The following TBC1D31 variants were observed in gnomAD, a reference collection of about 807,000 sequenced individuals.
TBC1D31 encodes the protein WD repeat domain 67.
Under a neutral mutation model 132.9 loss-of-function variants are expected in TBC1D31, and 99 were observed. The ratio of observed to expected loss-of-function variants is 0.74; its 90% CI spans 0.63 to 0.88. The LOEUF is 0.88. Among genes scored for constraint, TBC1D31 ranks in the 40% least tolerant of loss-of-function variants. The probability of loss-of-function intolerance (pLI) is 0.00; values close to 1 mark genes in which losing one functional copy is unlikely to be tolerated. For synonymous variants in TBC1D31, 385 were observed against 419.4 expected, an observed-to-expected ratio of 0.92 and a Z score of 1.00; for missense variants, 1,134 against 1,256.6, an observed-to-expected ratio of 0.90 and a Z score of 1.48.
chr8:123,093,469 T>C (rs958865177), intron 4 of TBC1D31, 122 bp from the exon 5 acceptor site: 5 of 572,516 alleles, frequency 8.7e-6, no homozygotes, highest in Non-Finnish European at 1.1e-5. Context: ...ATTAGAAATG[T>C]ATTTTCCCCA....
chr8:123,115,508 T>C (rs1201878634), intron 10 of TBC1D31, among the ~76,000 whole-genome samples: 1 of 152,012 alleles, frequency 6.6e-6, no homozygotes, highest in Non-Finnish European at 1.5e-5. Flanking sequence ...CTATTGCTGC[T>C]ATAACAAATT....
chr8:123,114,426 T>C (rs1424169137), intron 10 of TBC1D31, among the ~76,000 whole-genome samples: 1 of 152,142 alleles, frequency 6.6e-6, no homozygotes, highest in Non-Finnish European at 1.5e-5. Flanking sequence ...GTTCAGGTGA[T>C]TGTCCTGCTT....
intron 4 of TBC1D31, among the ~76,000 whole-genome samples, chr8:123,084,569 C>T (rs568378297): frequency 5.3e-5 from 8 of 152,238 alleles, no homozygotes; most frequent in African/African-American, 9.6e-5. Flanking sequence ...TGTCCTAAGG[C>T]GAAAGTTATT....
chr8:123,078,066 T>C (rs1350597548), intron 2 of TBC1D31, among the ~76,000 whole-genome samples: 2 of 150,826 alleles, frequency 1.3e-5, no homozygotes, highest in African/African-American at 2.4e-5. Context: ...AAAAAAAAAG[T>C]TGGTTTTCAC....
chr8:123,073,029 T>G (rs2130557257), intron 1 of TBC1D31, among the ~76,000 whole-genome samples, 183 bp downstream of exon 1: 1 of 152,132 alleles, frequency 6.6e-6, no homozygotes, highest in Non-Finnish European at 1.5e-5. Flanking sequence ...CCCTTCTGAG[T>G]TCTGGGAGCG....
chr8:123,105,559 TAAAGAA>T, intron 8 of TBC1D31, 95 bp downstream of exon 8: 1 of 1,050,454 alleles, frequency 9.5e-7, no homozygotes, highest in Non-Finnish European at 1.3e-6. Context: ...TCTTGGGAAT[TAAAGAA>T]AGAGAATAAA....
chr8:123,154,536 A>C (rs1822938422), downstream of TBC1D31, among the ~76,000 whole-genome samples: 1 of 152,194 alleles, frequency 6.6e-6, no homozygotes, highest in Admixed American at 6.5e-5. Context: ...GCTGGTAAAA[A>C]TGCACAGGGA....
At chr8:123,097,084 C>T (rs6999597) in intron 5 of TBC1D31, among the ~76,000 whole-genome samples, 198 bp from the exon 6 acceptor site, 2,311 of 152,174 alleles carry the variant, frequency 0.015, 59 homozygotes, top group African/African-American at 0.053. Context: ...TGAATTAATA[C>T]AAATTAAATA....
chr8:123,134,167 A>G lies in TBC1D31; in HGVS notation c.2460A>G (p.Arg820=), dbSNP rs1197143862. ...CCACAGCCAGAGACCTAGAAATGAG[A>G]CAGCTGGAACTCGAATCACAAAAGA... ...IAATARDLEM[R]QLELESQKRL... The change falls in exon 17 of 22, where the codon AGA becomes AGG. Residue 820 remains arginine, a synonymous_variant. Transcript: ENST00000287380. 1.2e-6 allele frequency: 2 copies of G among 1,614,076 alleles called. No individual in the cohort carries two copies. Among genetic ancestry groups the G allele is most frequent in the East Asian group, 4.5e-5 (2 of 44,886 alleles).
At chr8:123,115,210 C>G (rs550915117) in intron 10 of TBC1D31, among the ~76,000 whole-genome samples, 1 of 152,180 alleles carries the variant, frequency 6.6e-6, no homozygotes, top group Non-Finnish European at 1.5e-5. Flanking sequence ...TGGATGTTAT[C>G]AGTCTTTATT....
intron 4 of TBC1D31, among the ~76,000 whole-genome samples, chr8:123,092,665 T>C (rs1473286925): frequency 1.3e-5 from 2 of 152,080 alleles, no homozygotes; most frequent in African/African-American, 4.8e-5. Flanking sequence ...TGCTTTCTTT[T>C]TGAAGACAGA....
At chr8:123,087,579 A>T (rs1250511106) in intron 4 of TBC1D31, among the ~76,000 whole-genome samples, 2 of 152,222 alleles carry the variant, frequency 1.3e-5, no homozygotes, top group African/African-American at 2.4e-5. Context: ...TTACATTTTG[A>T]ATTTTAAGTT....
chr8:123,113,494 T>A (rs929102535), intron 10 of TBC1D31, among the ~76,000 whole-genome samples: 3 of 152,160 alleles, frequency 2.0e-5, no homozygotes, highest in Non-Finnish European at 2.9e-5. Flanking sequence ...ATCAGAGAAA[T>A]AATTTTGATG....
intron 7 of TBC1D31, among the ~76,000 whole-genome samples, chr8:123,101,862 C>T (rs1318939629): frequency 6.6e-6 from 1 of 152,088 alleles, no homozygotes; most frequent in African/African-American, 2.4e-5. Context: ...CTTGCCCTGC[C>T]CATCCTTCCA....
At position 123,101,185 on chromosome 8, in the gene TBC1D31, C is replaced by T. The variant is rs1049757270; in HGVS notation, c.1032+178C>T. 1.8e-5 allele frequency: 9 copies of T among 512,164 alleles called. No homozygotes were observed. In the East Asian group the frequency reaches 3.1e-4, roughly 18 times the overall value. 31.7% of individuals were successfully genotyped at this position (512,164 alleles called of 1,614,324 possible). A position where few individuals can be genotyped will look rare whatever the true frequency, so the allele number is the denominator to read the frequency against. On this transcript the variant is annotated intron_variant, in intron 7 of 21. Transcript: ENST00000287380. ...CTCTGGCCTTGATTTCTCACGTATG[C>T]TCCATTCTTAAATTGCTGCCTTCCT...
At chr8:123,157,258 C>T in the TBC1D31 span, among the ~76,000 whole-genome samples, 1 of 152,194 alleles carries the variant, frequency 6.6e-6, no homozygotes, top group Non-Finnish European at 1.5e-5. Flanking sequence ...AACTCACGAC[C>T]TTCAGATTAT....
intron 4 of TBC1D31, among the ~76,000 whole-genome samples, chr8:123,084,953 C>G (rs1815570038): frequency 6.6e-6 from 1 of 152,082 alleles, no homozygotes; most frequent in African/African-American, 2.4e-5. Flanking sequence ...CCATGCCCAG[C>G]TAATTTTTGT....
chr8:123,093,058 C>T (rs768064282), intron 4 of TBC1D31, among the ~76,000 whole-genome samples: 3 of 152,100 alleles, frequency 2.0e-5, no homozygotes, highest in South Asian at 4.2e-4. Context: ...GTGATCCACC[C>T]GCCTTGGCCT....
chr8:123,108,964 G>T (rs1043290834), intron 8 of TBC1D31, among the ~76,000 whole-genome samples: 2 of 152,174 alleles, frequency 1.3e-5, no homozygotes, highest in African/African-American at 4.8e-5. Flanking sequence ...AACTACCCCC[G>T]TGATCCAGTC....
Sources: gnomAD v4.1 joint callset for allele counts (sites outside exome capture counted in the v4.1 genomes callset) on GRCh38, gnomAD v4.1.1 for gene constraint, MANE v1.5 for transcripts, NCBI Gene and HGNC (gene_info 2026-07-23, HGNC 2026-07-21) for gene names.